Variants in BRD8 observed in about 807,000 individuals in gnomAD.
BRD8 encodes bromodomain containing 8.
In BRD8, 67 loss-of-function variants were observed where a neutral mutation model predicts 143.1. The observed-to-expected ratio is 0.47, with a 90% CI of 0.38 to 0.57. The LOEUF (loss-of-function observed/expected upper bound fraction) is 0.57, where lower values mean the gene tolerates loss of function less well. Among genes scored for constraint, BRD8 ranks in the 20% least tolerant of loss-of-function variants. BRD8 has a pLI of 0.00. For synonymous variants in BRD8, 505 were observed against 517.1 expected, an observed-to-expected ratio of 0.98 and a Z score of 0.32; for missense variants, 1,103 against 1,503.0, an observed-to-expected ratio of 0.73 and a Z score of 4.40.
At chr5:138,165,281 A>C in intron 11 of BRD8, 115 bp from the exon 12 acceptor site, 1 of 1,166,546 alleles carries the variant, frequency 8.6e-7, no homozygotes. Context: ...CATTTTTTCC[A>C]TGTAGTGGAG....
intron 13 of BRD8, 24 bp from the exon 14 acceptor site, chr5:138,164,157 T>C: frequency 6.2e-7 from 1 of 1,613,272 alleles, no homozygotes; most frequent in Non-Finnish European, 8.5e-7. Flanking sequence ...AAAGACTACC[T>C]GAAGATTTTT....
At chr5:138,169,976 C>A (rs187697342) in intron 7 of BRD8, among the ~76,000 whole-genome samples, 64 of 152,308 alleles carry the variant, frequency 4.2e-4, no homozygotes, top group Non-Finnish European at 8.4e-4. Context: ...AAACAAAAAA[C>A]AAAAACAGGG....
chr5:138,155,832 C>G (rs1441988941), intron 20 of BRD8, among the ~76,000 whole-genome samples: 1 of 151,912 alleles, frequency 6.6e-6, no homozygotes, highest in African/African-American at 2.4e-5. Flanking sequence ...TGGCCAAATT[C>G]AGTAATTCTT....
In BRD8 at chr5:138,164,846, A is replaced by T; in HGVS notation, c.1599T>A (p.Ser533Arg). Reference sequence around the variant, plus strand: ...GACTCCTGAGTTCTGGTGGCTCCATACTTGTGGCTGGAACAACTCCAGCTA... The same window carrying T: ...GACTCCTGAGTTCTGGTGGCTCCATTCTTGTGGCTGGAACAACTCCAGCTA... Reference protein sequence around the residue: ...EIVAGVVPATSMEPPELRSQD... With the variant: ...EIVAGVVPATRMEPPELRSQD... The change falls in exon 12 of 27, where the codon AGT becomes AGA. Residue 533 changes from serine to arginine, a missense_variant. Coordinates refer to ENST00000254900, the MANE Select transcript of BRD8 (RefSeq NM_139199.2). 6.2e-7 allele frequency: 1 copy of T among 1,614,106 alleles called. No homozygotes were observed. The highest frequency in any genetic ancestry group is 8.5e-7 in the Non-Finnish European group (1 of 1,180,016).
At chr5:138,144,918 A>AATATATATATATAT (rs71583301) in intron 25 of BRD8, among the ~76,000 whole-genome samples, 1 of 89,832 alleles carries the variant, frequency 1.1e-5, no homozygotes, top group African/African-American at 4.1e-5. Context: ...AAAAAAAAAA[A>AATATATATATATAT]ATATATATAT....
At chr5:138,140,508 C>T in intron 26 of BRD8, 197 bp downstream of exon 26, 1 of 649,970 alleles carries the variant, frequency 1.5e-6, no homozygotes, top group Non-Finnish European at 2.7e-6. Flanking sequence ...GCCTGCATTC[C>T]TAGACTACTT....
rs1754559222 is a variant in BRD8, at chr5:138,178,593, C to G, written c.19+3G>C. On this transcript the variant is annotated splice_donor_region_variant and intron_variant, in intron 1 of 26. Coordinates refer to ENST00000254900, the MANE Select transcript of BRD8 (RefSeq NM_139199.2). ...TTCACGCAAAACCTGCTCAGATACT[C>G]ACTGCCCGTTCCCGTCGCCATCTTG... 1.2e-6 allele frequency: 2 copies of G among 1,613,656 alleles called. No homozygotes were observed. Among genetic ancestry groups the G allele is most frequent in the Non-Finnish European group, 8.5e-7 (1 of 1,179,698 alleles).
chr5:138,148,929 G>A (rs1038303394), intron 23 of BRD8, among the ~76,000 whole-genome samples: 3 of 151,618 alleles, frequency 2.0e-5, no homozygotes, highest in African/African-American at 7.3e-5. Flanking sequence ...AGCTGGGTGT[G>A]GTGGCCCATG....
chr5:138,161,929 T>TA, intron 16 of BRD8, 65 bp from the exon 17 acceptor site: 1 of 1,586,498 alleles, frequency 6.3e-7, no homozygotes, highest in Non-Finnish European at 8.7e-7. Flanking sequence ...GAACTTACTC[T>TA]AAGTAACTAA....
In BRD8 at chr5:138,163,364, A is replaced by G. The variant is rs1280378448; in HGVS notation, c.1873-20T>C. The G allele has an allele frequency of 6.2e-7, 1 of 1,611,458 alleles. No individual in the cohort carries two copies. Among genetic ancestry groups the G allele is most frequent in the Non-Finnish European group, 8.5e-7 (1 of 1,178,076 alleles). ...GGCATCCTTAGATACAGTATGCTCC[A>G]GTTAACAAATGCAAGCAAAGCTATC... On this transcript the variant is annotated intron_variant, in intron 14 of 26. Transcript: ENST00000254900.
At chr5:138,166,950 A>C in intron 9 of BRD8, 1 of 463,514 alleles carries the variant, frequency 2.2e-6, no homozygotes, top group Non-Finnish European at 4.0e-6. Context: ...ACATATATAA[A>C]AAATGGGTGG....
chr5:138,148,584 G>GGGTT (rs1752256392), intron 23 of BRD8, among the ~76,000 whole-genome samples: 1 of 151,842 alleles, frequency 6.6e-6, no homozygotes, highest in Non-Finnish European at 1.5e-5. Context: ...GCCCAGGCTA[G>GGGTT]TCTCAAAATC....
At chr5:138,144,916 A>ATATATAT (rs1337652818) in intron 25 of BRD8, among the ~76,000 whole-genome samples, 16 of 135,272 alleles carry the variant, frequency 1.2e-4, no homozygotes, top group African/African-American at 4.6e-4. Flanking sequence ...AAAAAAAAAA[A>ATATATAT]AAATATATAT....
At chr5:138,175,486 G>T (rs923307743) in intron 2 of BRD8, among the ~76,000 whole-genome samples, 4 of 151,946 alleles carry the variant, frequency 2.6e-5, no homozygotes, top group Non-Finnish European at 4.4e-5. Context: ...AGGAGGCTAA[G>T]GTGGGAGGAT....
rs777763553 is a variant in BRD8, at chr5:138,170,420, A to G, written c.441-11T>C. ...TCCAATTTCTTTTTCCTAAACAGGG[A>G]ATTAAGGGTTAGATGCTAGACAGCT... is the stretch of plus-strand genomic sequence containing the variant. On this transcript the variant is annotated splice_polypyrimidine_tract_variant and intron_variant, in intron 6 of 26. Coordinates refer to ENST00000254900, the MANE Select transcript of BRD8 (RefSeq NM_139199.2). The G allele has an allele frequency of 1.2e-6, 2 of 1,613,914 alleles. No homozygotes were observed. The highest frequency in any genetic ancestry group is 1.7e-6 in the Non-Finnish European group (2 of 1,179,970).
chr5:138,164,771 T>C lies in BRD8; in HGVS notation c.1674A>G (p.Glu558=). The C allele has an allele frequency of 6.2e-7, 1 of 1,614,232 alleles. No homozygotes were observed. The highest frequency in any genetic ancestry group is 8.5e-7 in the Non-Finnish European group (1 of 1,180,050). Residue 558 remains glutamate (E), a synonymous_variant, in exon 12 of 27, where the codon GAA becomes GAG. Coordinates refer to ENST00000254900, the MANE Select transcript of BRD8 (RefSeq NM_139199.2). ...CGCCTTTCCCAATGGCAACATCTGC[T>C]TCAACAATCTCTCCAGCTGCAGTAC... The part of the protein sequence containing the change: ...LGSTAAGEIV[E]ADVAIGKGDE...
At position 138,167,922 on chromosome 5, in the gene BRD8, G is replaced by A. The variant is rs761725140; in HGVS notation, c.787+12C>T. ...CACCTTTGAGGTTGATAAAGGAAAA[G>A]TGGTAACTTACCTGATGCAGCAGGG... On this transcript the variant is annotated intron_variant, in intron 9 of 26. Transcript: ENST00000254900. The A allele has an allele frequency of 6.2e-7, 1 of 1,612,490 alleles. No homozygotes were observed. Among genetic ancestry groups the A allele is most frequent in the South Asian group, 1.1e-5 (1 of 91,042 alleles).
chr5:138,168,644 A>G (rs1346757259), intron 8 of BRD8: 15 of 1,603,470 alleles, frequency 9.4e-6, no homozygotes, highest in Non-Finnish European at 1.3e-5. Flanking sequence ...CAGGAATCCC[A>G]GGAAACGAGG....
intron 2 of BRD8, among the ~76,000 whole-genome samples, chr5:138,174,893 T>G (rs924298539): frequency 4.6e-5 from 7 of 151,228 alleles, no homozygotes; most frequent in South Asian, 2.1e-4. Flanking sequence ...ACTCAAGTTT[T>G]TTTTTTTTTT....
Sources: allele counts gnomAD v4.1 joint callset (sites outside exome capture counted in the v4.1 genomes callset), GRCh38; gene constraint gnomAD v4.1.1; transcripts MANE v1.5; gene names NCBI Gene and HGNC (gene_info 2026-07-23, HGNC 2026-07-21).